DCX: variants seen among roughly 807,000 people sequenced by gnomAD.
DCX encodes neuronal migration protein doublecortin.
In DCX, 4 loss-of-function variants were observed where a neutral mutation model predicts 20.9. That is an observed-to-expected ratio of 0.19 (90% confidence interval 0.09 to 0.44). DCX has a LOEUF of 0.44. Ranked by LOEUF, DCX falls within the 20% of genes least tolerant of loss-of-function variation. The probability of loss-of-function intolerance (pLI) is 0.99; values close to 1 mark genes in which losing one functional copy is unlikely to be tolerated. For missense variants in DCX, 133 were observed against 296.9 expected, an observed-to-expected ratio of 0.45 and a Z score of 4.06; for synonymous variants, 103 against 111.4, an observed-to-expected ratio of 0.92 and a Z score of 0.47.
In DCX at chrX:111,296,475, G is replaced by A. The variant is rs1305146120; in HGVS notation, c.*5212C>T. 1 of 111,788 alleles carries A rather than the reference G, an allele frequency of 8.9e-6. No homozygotes were observed. The highest frequency in any genetic ancestry group is 1.9e-5 in the Non-Finnish European group (1 of 53,188). The allele number at this position is 111,788 out of a possible 1,213,427, so 9.2% of individuals were successfully genotyped here. ...GGATAAAAAATTAGTCTTGTCAGCT[G>A]GGCATGGTGGCTCATGCCTGTAATC... On this transcript the variant is annotated 3_prime_UTR_variant, in exon 7 of 7. Coordinates refer to ENST00000636035, the MANE Select transcript of DCX (RefSeq NM_001195553.2).
At chrX:111,389,605 C>T (rs1043874158) in intron 3 of DCX, among the ~76,000 whole-genome samples, 4 of 111,800 alleles carry the variant, frequency 3.6e-5, no homozygotes, top group African/African-American at 1.3e-4. Context: ...GTAGTCCCAG[C>T]TACTCGGGAG....
In DCX at chrX:111,309,802, C is replaced by A. The variant is rs778017929; in HGVS notation, c.1044+2837G>T. 5.4e-5 allele frequency among the ~76,000 whole-genome samples: 6 copies of A among 111,698 alleles called. No homozygotes were observed. The East Asian group carries it at 1.7e-3, about 31-fold the overall frequency. ...AAGACTAAAGAGACATGAGAACTTG[C>A]AACATGTGATTCTAGACTGGATTTT... On this transcript the variant is annotated intron_variant, in intron 6 of 6. Transcript: ENST00000636035.
chrX:111,332,643 T>A lies in DCX; in HGVS notation c.808+408A>T, dbSNP rs185769669. On this transcript the variant is annotated intron_variant, in intron 4 of 6. Coordinates refer to ENST00000636035, the MANE Select transcript of DCX (RefSeq NM_001195553.2). Reference sequence around the variant, plus strand: ...TGACACTAAGAATACTGTGGAAAAATCTCTCTAAATTGGAACCATAATCAC... The same window carrying A: ...TGACACTAAGAATACTGTGGAAAAAACTCTCTAAATTGGAACCATAATCAC... 3.6e-3 allele frequency among the ~76,000 whole-genome samples: 397 copies of A among 111,534 alleles called. 3 individuals are homozygous for A. Among genetic ancestry groups the A allele is most frequent in the African/African-American group, 0.012 (376 of 30,660 alleles).
intron 5 of DCX, among the ~76,000 whole-genome samples, chrX:111,314,047 C>G (rs1402220742): frequency 1.8e-5 from 2 of 111,887 alleles, no homozygotes; most frequent in East Asian, 5.6e-4. Context: ...GGATACATTC[C>G]TTCTGCACCA....
chrX:111,374,353 T>G (rs1014130505), intron 3 of DCX, among the ~76,000 whole-genome samples: 1 of 112,320 alleles, frequency 8.9e-6, no homozygotes, highest in African/African-American at 3.2e-5. Context: ...CCATAGATGA[T>G]CCAAGCATTG....
At chrX:111,368,919 C>CACACACAT (rs1231800380) in intron 3 of DCX, among the ~76,000 whole-genome samples, 1 of 109,653 alleles carries the variant, frequency 9.1e-6, no homozygotes, top group African/African-American at 3.3e-5. Flanking sequence ...CACACACACA[C>CACACACAT]ACACACACAC....
At chrX:111,389,650 T>C (rs1407524782) in intron 3 of DCX, among the ~76,000 whole-genome samples, 1 of 111,600 alleles carries the variant, frequency 9.0e-6, no homozygotes, top group East Asian at 2.8e-4. Context: ...CCCCAGAGTT[T>C]GAAGCAGCAG....
At chrX:111,354,965 C>G (rs1923609462) in intron 3 of DCX, among the ~76,000 whole-genome samples, 1 of 112,167 alleles carries the variant, frequency 8.9e-6, no homozygotes, top group African/African-American at 3.2e-5. Flanking sequence ...CAGTAAGGAC[C>G]AGGCCTGTTG....
rs936797200 is a variant in DCX, at chrX:111,410,149, G to A, written c.250C>T (p.Leu84=). 2.5e-6 allele frequency: 3 copies of A among 1,209,987 alleles called. No individual in the cohort carries two copies. Among genetic ancestry groups the A allele is most frequent in the Non-Finnish European group, 3.4e-6 (3 of 895,329 alleles). The change falls in exon 2 of 7, where the codon CTG becomes TTG. Residue 84 remains leucine (L), a synonymous_variant. Coordinates refer to ENST00000636035, the MANE Select transcript of DCX (RefSeq NM_001195553.2). ...SDRFRSFDAL[L]ADLTRSLSDN... ...GACAGAGATCGCGTCAGGTCAGCCA[G>A]CAAGGCGTCAAAGCTGCGAAAACGG...
At chrX:111,397,223 C>T (rs2147257084) in intron 3 of DCX, among the ~76,000 whole-genome samples, 1 of 111,125 alleles carries the variant, frequency 9.0e-6, no homozygotes, top group East Asian at 2.9e-4. Flanking sequence ...CTGGTTTGGT[C>T]GATTTGGAAT....
intron 3 of DCX, among the ~76,000 whole-genome samples, chrX:111,382,894 C>T (rs185937717): frequency 3.6e-5 from 4 of 110,376 alleles, no homozygotes; most frequent in Admixed American, 9.7e-5. Context: ...GTCTCTGAGA[C>T]AAAGAATAAC....
At chrX:111,338,326 C>T (rs7880069) in intron 3 of DCX, among the ~76,000 whole-genome samples, 27,215 of 111,123 alleles carry the variant, frequency 0.24, 7,063 homozygotes, top group African/African-American at 0.79. Context: ...AGGGAAACAC[C>T]GTGGCAAGGA....
At chrX:111,400,901 G>C in intron 3 of DCX, 89 bp downstream of exon 3, 3 of 843,226 alleles carry the variant, frequency 3.6e-6, no homozygotes, top group South Asian at 2.1e-5. Context: ...TGGAGGAAGA[G>C]TCCGTCAACA....
chrX:111,331,089 A>G (rs1365855084), intron 4 of DCX, 48 bp from the exon 5 acceptor site: 1 of 1,197,514 alleles, frequency 8.4e-7, no homozygotes, highest in Admixed American at 2.2e-5. Flanking sequence ...AAACAGGCTC[A>G]GCATGTTATC....
At chrX:111,341,491 C>T (rs1185619574) in intron 3 of DCX, among the ~76,000 whole-genome samples, 1 of 111,298 alleles carries the variant, frequency 9.0e-6, no homozygotes, top group African/African-American at 3.3e-5. Context: ...CCTAGCAAGA[C>T]AGGCCAATAT....
At chrX:111,408,690 GA>G (rs1478317243) in intron 2 of DCX, among the ~76,000 whole-genome samples, 15 of 109,873 alleles carry the variant, frequency 1.4e-4, no homozygotes, top group African/African-American at 2.3e-4. Flanking sequence ...AAGAAAGAAA[GA>G]AAGGAAGGAA....
intron 3 of DCX, among the ~76,000 whole-genome samples, chrX:111,357,014 G>C (rs6642892): frequency 2.2e-4 from 25 of 111,901 alleles, no homozygotes; most frequent in African/African-American, 8.1e-4. Context: ...AGCCCCTTTG[G>C]GTTCTGGGAG....
At chrX:111,380,624 T>C (rs187963134) in intron 3 of DCX, among the ~76,000 whole-genome samples, 8 of 111,217 alleles carry the variant, frequency 7.2e-5, no homozygotes, top group African/African-American at 2.0e-4. Context: ...TTTTTCAATA[T>C]TGTTTTTGCT....
At chrX:111,373,929 A>G (rs1248283684) in intron 3 of DCX, among the ~76,000 whole-genome samples, 1 of 112,067 alleles carries the variant, frequency 8.9e-6, no homozygotes, top group Non-Finnish European at 1.9e-5. Context: ...TTAGAGTCAC[A>G]GTATATAACT....
Sources: gnomAD v4.1 joint callset for allele counts (sites outside exome capture counted in the v4.1 genomes callset) on GRCh38, gnomAD v4.1.1 for gene constraint, MANE v1.5 for transcripts, NCBI Gene and HGNC (gene_info 2026-07-23, HGNC 2026-07-21) for gene names.